The following MATK variants were observed in gnomAD, a reference collection of about 807,000 sequenced individuals.
MATK encodes the protein megakaryocyte-associated tyrosine kinase.
Under a neutral mutation model 59.8 loss-of-function variants are expected in MATK, and 41 were observed. That is an observed-to-expected ratio of 0.69 (90% CI 0.53 to 0.89). MATK has a LOEUF of 0.89. MATK is among the 40% of genes least tolerant of loss of function. MATK has a pLI of 0.00. For missense variants in MATK, 593 were observed against 719.6 expected (o/e 0.82, Z 2.01); for synonymous variants, 308 against 306.1 (o/e 1.01, Z -0.06).
Position 3,778,339 on chromosome 19 carries a change from G to A in MATK, c.1368C>T (p.Leu456=). ...GCTCTGCCTCCCAGCAGCTGCTCAT[G>A]AGGACGTGCACGGGGCCTGGACAGC... ...PEGCPGPVHV[L]MSSCWEAEPA... Residue 456 remains leucine (L), a synonymous_variant, in exon 14 of 14, where the codon CTC becomes CTT. Coordinates refer to ENST00000310132, the MANE Select transcript of MATK (RefSeq NM_139355.3). 6.3e-7 allele frequency: 1 copy of A among 1,581,328 alleles called. No homozygotes were observed. Among genetic ancestry groups the A allele is most frequent in the Non-Finnish European group, 8.6e-7 (1 of 1,167,326 alleles).
At chr19:3,797,879 T>C (rs1160808433) in intron 1 of MATK, among the ~76,000 whole-genome samples, 1 of 151,892 alleles carries the variant, frequency 6.6e-6, no homozygotes, top group African/African-American at 2.4e-5. Flanking sequence ...CCATCTCTAC[T>C]AAATATACAA....
upstream of MATK, chr19:3,786,527 A>ACCCCCC (rs3833281): frequency 5.4e-4 from 187 of 344,514 alleles, no homozygotes; most frequent in South Asian, 9.6e-4. This position sits in a 1 kb window ranked among gnomAD's most constrained non-coding sequence, Gnocchi z 4.1. Flanking sequence ...TCGGGCGTGC[A>ACCCCCC]CCCCCCACCC....
In MATK at chr19:3,779,440, C is replaced by G; in HGVS notation, c.939G>C (p.Val313=). ...CTCGACCCCGGGTCCGCAGAAAGTTCACCAGGTTGCCCTGTTGGGGGTGGG... is the reference window on the plus strand; with the variant it reads ...CTCGACCCCGGGTCCGCAGAAAGTTGACCAGGTTGCCCTGTTGGGGGTGGG... ...VMEHVSKGNL[V]NFLRTRGRAL... is the part of the protein sequence containing the mutation. The change falls in exon 11 of 14, where the codon GTG becomes GTC. Residue 313 remains valine, a synonymous_variant. Transcript: ENST00000310132. 1 of 1,613,218 alleles carries G rather than the reference C, an allele frequency of 6.2e-7. No homozygotes were observed. The highest frequency in any genetic ancestry group is 8.5e-7 in the Non-Finnish European group (1 of 1,179,992).
intron 3 of MATK, 87 bp from the exon 4 acceptor site, chr19:3,784,538 G>A: frequency 1.1e-6 from 1 of 876,104 alleles, no homozygotes; most frequent in Non-Finnish European, 1.8e-6. Context: ...AGGACAGGAG[G>A]GAGAAAGGTA....
intron 1 of MATK, among the ~76,000 whole-genome samples, chr19:3,794,837 C>T (rs1166874769): frequency 6.6e-6 from 1 of 152,140 alleles, no homozygotes; most frequent in East Asian, 1.9e-4. Context: ...GCATGCTGGT[C>T]TCTGTCCCAA....
chr19:3,794,825 G>T (rs1162374394), intron 1 of MATK, among the ~76,000 whole-genome samples: 2 of 152,054 alleles, frequency 1.3e-5, no homozygotes, highest in African/African-American at 2.4e-5. Context: ...TCTCTCTAAA[G>T]GGCATGCTGG....
At chr19:3,790,490 C>T (rs1244960434), upstream of MATK, among the ~76,000 whole-genome samples, 1 of 152,182 alleles carries the variant, frequency 6.6e-6, no homozygotes, top group Non-Finnish European at 1.5e-5. Context: ...ACTGTGTCCT[C>T]CCTCACTCTA....
At chr19:3,778,673 C>T (rs1302302255) in intron 12 of MATK, 78 bp from the exon 13 acceptor site, 3 of 1,443,564 alleles carry the variant, frequency 2.1e-6, no homozygotes, top group East Asian at 2.5e-5. Context: ...AGGAAGCCCT[C>T]CTGGGTTGAC....
intron 4 of MATK, 37 bp downstream of exon 4, chr19:3,784,301 C>G: frequency 6.3e-7 from 1 of 1,592,050 alleles, no homozygotes; most frequent in Non-Finnish European, 8.6e-7. Context: ...GTGGAGCCCC[C>G]AGCCCCAAGC....
At chr19:3,799,868 C>T (rs1487702263) in intron 1 of MATK, among the ~76,000 whole-genome samples, 89 of 128,610 alleles carry the variant, frequency 6.9e-4, no homozygotes, top group South Asian at 3.6e-3. Flanking sequence ...GTCAGCCGGG[C>T]GCGGTGGCTC....
At chr19:3,782,935 G>T in intron 7 of MATK, 191 bp downstream of exon 7, 1 of 582,342 alleles carries the variant, frequency 1.7e-6, no homozygotes, top group South Asian at 2.1e-5. Context: ...CGAAGCTGGG[G>T]ACCTATTGAA....
intron 11 of MATK, 93 bp downstream of exon 11, chr19:3,779,285 C>G: frequency 1.3e-6 from 2 of 1,564,382 alleles, no homozygotes; most frequent in Non-Finnish European, 1.7e-6. Flanking sequence ...CTCACAAAGC[C>G]TCCCTGCCCC....
intron 1 of MATK, among the ~76,000 whole-genome samples, chr19:3,800,393 C>T (rs2145119839): frequency 6.6e-6 from 1 of 152,204 alleles, no homozygotes; most frequent in South Asian, 2.1e-4. Flanking sequence ...CTTTGGGAGG[C>T]CAAGCACTTT....
chr19:3,789,963 G>A (rs1599204995), upstream of MATK, among the ~76,000 whole-genome samples: 2 of 150,324 alleles, frequency 1.3e-5, no homozygotes, highest in African/African-American at 4.9e-5. Flanking sequence ...GTGCAGTGGC[G>A]CGATCTCAGC....
chr19:3,782,662 G>A (rs908330741), intron 7 of MATK, among the ~76,000 whole-genome samples: 2 of 152,226 alleles, frequency 1.3e-5, no homozygotes, highest in African/African-American at 4.8e-5. Flanking sequence ...GAGCTGCTGG[G>A]CCTCTCTCCC....
At chr19:3,794,776 C>T (rs971194530) in intron 1 of MATK, among the ~76,000 whole-genome samples, 1 of 152,138 alleles carries the variant, frequency 6.6e-6, no homozygotes, top group African/African-American at 2.4e-5. Context: ...TCTTCATCCT[C>T]TCATGACCTC....
In MATK at chr19:3,784,441, G is replaced by A; in HGVS notation, c.143C>T (p.Ala48Val). 1 of 1,595,934 alleles carries A rather than the reference G, an allele frequency of 6.3e-7. No homozygotes were observed. Among genetic ancestry groups the A allele is most frequent in the African/African-American group, 1.3e-5 (1 of 74,882 alleles). ...VSARMPTRRW[A>V]PGTQCITKCE... ...TTTGGTGATACACTGGGTGCCCGGG[G>A]CCCAGCGCCTCTGCAGAGGGGGCCG... Residue 48 changes from alanine to valine, a missense_variant, in exon 4 of 14, where the codon GCC (alanine) becomes GTC (valine). Physicochemically the swap from Ala to Val is moderately conservative, Grantham distance 64. Coordinates refer to ENST00000310132, the MANE Select transcript of MATK (RefSeq NM_139355.3).
chr19:3,791,850 G>C (rs1436704195), intron 1 of MATK, among the ~76,000 whole-genome samples: 3 of 151,836 alleles, frequency 2.0e-5, no homozygotes, highest in African/African-American at 7.3e-5. Context: ...GCTCACACCT[G>C]TAATCCCAGC....
chr19:3,800,937 T>C (rs1463495423), intron 1 of MATK, among the ~76,000 whole-genome samples: 1 of 152,150 alleles, frequency 6.6e-6, no homozygotes, highest in Non-Finnish European at 1.5e-5. Flanking sequence ...CTCGGCTCAC[T>C]ACAACCTTGG....
Sources: allele counts gnomAD v4.1 joint callset (sites outside exome capture counted in the v4.1 genomes callset), GRCh38; gene constraint gnomAD v4.1.1; non-coding constraint Gnocchi (gnomAD v3.1); transcripts MANE v1.5; gene names NCBI Gene and HGNC (gene_info 2026-07-23, HGNC 2026-07-21).